Variants in SUPT3H observed in about 807,000 individuals in gnomAD.
SUPT3H encodes transcription initiation protein SPT3 homolog.
A neutral mutation model predicts 44.3 loss-of-function variants in SUPT3H; 44 were observed. The observed-to-expected ratio is 0.99, with a 90% CI of 0.78 to 1.28. The LOEUF is 1.28. Ranked by LOEUF, SUPT3H falls within the 50% of genes most tolerant of loss-of-function variation. The pLI is 0.00. For missense variants in SUPT3H, 380 were observed against 387.1 expected (o/e 0.98, Z 0.15); for synonymous variants, 124 against 125.6 (o/e 0.99, Z 0.09).
chr6:45,253,041 C>T (rs1339801585), intron 2 of SUPT3H, among the ~76,000 whole-genome samples: 1 of 151,618 alleles, frequency 6.6e-6, no homozygotes, highest in Non-Finnish European at 1.5e-5. Flanking sequence ...CCTAGCATGA[C>T]ATCGAAGCTA....
intron 2 of SUPT3H, among the ~76,000 whole-genome samples, chr6:45,260,498 T>C (rs1335771340): frequency 4.6e-5 from 7 of 152,280 alleles, no homozygotes; most frequent in Middle Eastern, 3.4e-3. Context: ...TCTAGCAGCA[T>C]TGCTGATTGA....
At chr6:44,925,451 A>G (rs1562058138) in intron 10 of SUPT3H, among the ~76,000 whole-genome samples, 1 of 152,234 alleles carries the variant, frequency 6.6e-6, no homozygotes, top group Non-Finnish European at 1.5e-5. Context: ...GCAAGTTCAG[A>G]GGGTTAACAT....
At chr6:45,310,573 T>C (rs888462004) in intron 2 of SUPT3H, among the ~76,000 whole-genome samples, 1 of 152,148 alleles carries the variant, frequency 6.6e-6, no homozygotes, top group African/African-American at 2.4e-5. Flanking sequence ...TATCCACTGC[T>C]GAGAGACCCA....
intron 3 of SUPT3H, among the ~76,000 whole-genome samples, chr6:45,038,170 T>G (rs1022656931): frequency 1.3e-5 from 2 of 152,154 alleles, no homozygotes; most frequent in Non-Finnish European, 2.9e-5. Context: ...AATATCCAGT[T>G]CATTTATAAA....
chr6:45,149,908 G>C (rs1313059164), intron 2 of SUPT3H, among the ~76,000 whole-genome samples: 1 of 151,628 alleles, frequency 6.6e-6, no homozygotes, highest in Non-Finnish European at 1.5e-5. Context: ...TCAAGTGAGT[G>C]ACAGCTTCAG....
chr6:45,319,963 G>A (rs1023495459), intron 2 of SUPT3H, among the ~76,000 whole-genome samples: 4 of 152,002 alleles, frequency 2.6e-5, no homozygotes, highest in Non-Finnish European at 4.4e-5. Context: ...TATTGAGATT[G>A]AAGATAATTT....
At chr6:45,138,474 G>A (rs546135080) in intron 2 of SUPT3H, among the ~76,000 whole-genome samples, 1 of 152,160 alleles carries the variant, frequency 6.6e-6, no homozygotes, top group East Asian at 1.9e-4. Flanking sequence ...ACTGGTGAAT[G>A]CGATAAAAAA....
At chr6:45,353,821 C>T (rs993807159) in intron 2 of SUPT3H, among the ~76,000 whole-genome samples, 4 of 149,178 alleles carry the variant, frequency 2.7e-5, no homozygotes, top group Admixed American at 1.3e-4. Context: ...AAGGCAACCA[C>T]GAGATTTAGG....
intron 6 of SUPT3H, among the ~76,000 whole-genome samples, chr6:44,972,948 G>A (rs138515787): frequency 3.9e-5 from 6 of 152,312 alleles, no homozygotes; most frequent in African/African-American, 9.6e-5. Flanking sequence ...AGGGGTTGCC[G>A]TGAAGACCTC....
At chr6:45,088,148 C>T (rs181730832) in intron 3 of SUPT3H, among the ~76,000 whole-genome samples, 15 of 151,970 alleles carry the variant, frequency 9.9e-5, no homozygotes, top group African/African-American at 3.4e-4. Flanking sequence ...TAAAATCAGA[C>T]GGGAACTGAC....
At chr6:45,209,860 T>C (rs936313990) in intron 2 of SUPT3H, among the ~76,000 whole-genome samples, 1 of 152,156 alleles carries the variant, frequency 6.6e-6, no homozygotes, top group African/African-American at 2.4e-5. Context: ...TGTTGTCTTA[T>C]TTGAAGAAAT....
intron 2 of SUPT3H, among the ~76,000 whole-genome samples, chr6:45,210,452 TA>T (rs1369209567): frequency 6.6e-6 from 1 of 152,228 alleles, no homozygotes; most frequent in African/African-American, 2.4e-5. Flanking sequence ...AGTAAAAGGC[TA>T]AGAGGCTCAA....
At chr6:45,084,622 C>G (rs1796259625) in intron 3 of SUPT3H, among the ~76,000 whole-genome samples, 1 of 152,026 alleles carries the variant, frequency 6.6e-6, no homozygotes, top group Non-Finnish European at 1.5e-5. Flanking sequence ...TGTATACACT[C>G]AAAGGAAAAT....
intron 7 of SUPT3H, among the ~76,000 whole-genome samples, chr6:44,960,780 G>A (rs1408027769): frequency 1.3e-5 from 2 of 151,798 alleles, no homozygotes; most frequent in African/African-American, 4.8e-5. Flanking sequence ...ATGCCAAGTT[G>A]TTAGTCAAAT....
intron 2 of SUPT3H, among the ~76,000 whole-genome samples, chr6:45,174,250 G>A (rs537874485): frequency 6.6e-6 from 1 of 152,274 alleles, no homozygotes; most frequent in African/African-American, 2.4e-5. Flanking sequence ...CGTAATCATA[G>A]GCAAGATTAC....
intron 3 of SUPT3H, among the ~76,000 whole-genome samples, chr6:45,081,186 C>G (rs1356878658): frequency 6.6e-6 from 1 of 151,866 alleles, no homozygotes; most frequent in Non-Finnish European, 1.5e-5. Context: ...GAGAGAAAAA[C>G]AATGCCTACA....
chr6:45,298,771 A>G (rs139939064), intron 2 of SUPT3H, among the ~76,000 whole-genome samples: 35 of 152,280 alleles, frequency 2.3e-4, no homozygotes, highest in African/African-American at 8.2e-4. Flanking sequence ...ATTGCAAACT[A>G]AACCTCTCCA....
chr6:45,229,060 T>C (rs1027239720), intron 2 of SUPT3H, among the ~76,000 whole-genome samples: 1 of 152,190 alleles, frequency 6.6e-6, no homozygotes, highest in Non-Finnish European at 1.5e-5. Context: ...CACTCCAAAA[T>C]ATGCTAAGAT....
intron 3 of SUPT3H, among the ~76,000 whole-genome samples, chr6:45,092,100 A>G (rs1347289771): frequency 6.6e-6 from 1 of 151,870 alleles, no homozygotes; most frequent in Non-Finnish European, 1.5e-5. Context: ...TTTAGCAATT[A>G]TTTTATCTTG....
Sources: allele counts gnomAD v4.1 joint callset (sites outside exome capture counted in the v4.1 genomes callset), GRCh38; gene constraint gnomAD v4.1.1; transcripts MANE v1.5; gene names NCBI Gene and HGNC (gene_info 2026-07-23, HGNC 2026-07-21).